Variants in GPC5 observed in about 807,000 individuals in gnomAD.
GPC5 encodes the protein glypican-5.
GPC5 carries 47 observed loss-of-function variants against 53.9 expected under a neutral mutation model. The observed-to-expected ratio is 0.87, with a 90% CI of 0.69 to 1.11. The LOEUF (loss-of-function observed/expected upper bound fraction) is 1.11, where lower values mean the gene tolerates loss of function less well. Ranked by LOEUF, GPC5 falls within the 50% of genes most tolerant of loss-of-function variation. GPC5 has a pLI of 0.00. For synonymous variants in GPC5, 286 were observed against 263.3 expected (o/e 1.09, Z -0.84); for missense variants, 748 against 713.1 (o/e 1.05, Z -0.56).
chr13:92,238,242 T>C (rs1056667631), intron 7 of GPC5, among the ~76,000 whole-genome samples: 7 of 151,954 alleles, frequency 4.6e-5, no homozygotes, highest in African/African-American at 1.4e-4. Flanking sequence ...TTTAACCTTT[T>C]GAGAGGTTAA....
At chr13:92,028,110 T>C (rs1203321012) in intron 6 of GPC5, among the ~76,000 whole-genome samples, 1 of 152,152 alleles carries the variant, frequency 6.6e-6, no homozygotes, top group Non-Finnish European at 1.5e-5. Flanking sequence ...TAGAGATGCT[T>C]AGCTGACTTT....
chr13:92,144,407 G>T (rs555582506), intron 6 of GPC5, among the ~76,000 whole-genome samples: 1 of 152,314 alleles, frequency 6.6e-6, no homozygotes, highest in East Asian at 1.9e-4. Flanking sequence ...TTCTGGAAGA[G>T]TCGTACTTCT....
At chr13:92,287,925 C>A (rs1218455450) in intron 7 of GPC5, among the ~76,000 whole-genome samples, 1 of 152,010 alleles carries the variant, frequency 6.6e-6, no homozygotes, top group Non-Finnish European at 1.5e-5. Context: ...CCATACATCT[C>A]GTGGGCTCTG....
intron 7 of GPC5, among the ~76,000 whole-genome samples, chr13:92,431,099 G>C (rs950860052): frequency 1.3e-5 from 2 of 152,036 alleles, no homozygotes; most frequent in African/African-American, 4.8e-5. Flanking sequence ...TTGAGATTCT[G>C]CATTTTAGAT....
chr13:91,412,961 A>T (rs1240348853), intron 1 of GPC5, among the ~76,000 whole-genome samples: 1 of 152,226 alleles, frequency 6.6e-6, no homozygotes, highest in Non-Finnish European at 1.5e-5. Flanking sequence ...GTGGACATTA[A>T]ATGAATAAAG....
intron 7 of GPC5, among the ~76,000 whole-genome samples, chr13:92,724,903 C>G (rs193259625): frequency 6.7e-5 from 10 of 149,934 alleles, no homozygotes; most frequent in African/African-American, 2.5e-4. Context: ...CACACACACA[C>G]ACACACACAA....
At chr13:91,977,663 C>G (rs2040316219) in intron 6 of GPC5, among the ~76,000 whole-genome samples, 1 of 152,124 alleles carries the variant, frequency 6.6e-6, no homozygotes. Flanking sequence ...TTAAAAACTC[C>G]CTTGTTAAAG....
At chr13:92,288,689 T>C (rs1369694061) in intron 7 of GPC5, among the ~76,000 whole-genome samples, 1 of 152,222 alleles carries the variant, frequency 6.6e-6, no homozygotes, top group Non-Finnish European at 1.5e-5. Context: ...GGAGTGATTA[T>C]TGATGCTTCC....
At chr13:92,833,875 TAGAG>T (rs539097939) in intron 7 of GPC5, among the ~76,000 whole-genome samples, 23 of 152,246 alleles carry the variant, frequency 1.5e-4, no homozygotes, top group Middle Eastern at 3.4e-3. Flanking sequence ...GAGTTAACGT[TAGAG>T]AGAGAGGCAG....
chr13:91,669,547 A>C (rs977240533), intron 2 of GPC5, among the ~76,000 whole-genome samples: 1 of 152,060 alleles, frequency 6.6e-6, no homozygotes, highest in East Asian at 1.9e-4. Flanking sequence ...CATTATGTCA[A>C]CTACAGGAAG....
chr13:91,589,343 T>TTC (rs200479289), intron 2 of GPC5, among the ~76,000 whole-genome samples: 5 of 151,702 alleles, frequency 3.3e-5, no homozygotes, highest in Admixed American at 6.6e-5. Context: ...TTTTCTGACT[T>TTC]TCTCTCTCTC....
At chr13:92,649,494 T>C (rs1885885738) in intron 7 of GPC5, among the ~76,000 whole-genome samples, 1 of 152,160 alleles carries the variant, frequency 6.6e-6, no homozygotes, top group East Asian at 1.9e-4. Flanking sequence ...TCATAATGCA[T>C]AAACTGCCAA....
At chr13:91,729,865 A>C (rs2036657224) in intron 4 of GPC5, among the ~76,000 whole-genome samples, 1 of 152,162 alleles carries the variant, frequency 6.6e-6, no homozygotes, top group African/African-American at 2.4e-5. Flanking sequence ...ACAAAACCCA[A>C]CCTTTAATAT....
chr13:92,794,972 C>G (rs1279122004), intron 7 of GPC5, among the ~76,000 whole-genome samples: 1 of 151,994 alleles, frequency 6.6e-6, no homozygotes, highest in Non-Finnish European at 1.5e-5. Flanking sequence ...AGGTAACTTA[C>G]AGATTCAATG....
intron 7 of GPC5, among the ~76,000 whole-genome samples, chr13:92,650,496 G>A (rs967881004): frequency 9.2e-5 from 14 of 152,022 alleles, no homozygotes; most frequent in African/African-American, 3.4e-4. Flanking sequence ...TAATAATTGT[G>A]TTATGAATAC....
chr13:92,091,235 A>T (rs1294480177), intron 6 of GPC5, among the ~76,000 whole-genome samples: 1 of 152,136 alleles, frequency 6.6e-6, no homozygotes, highest in Admixed American at 6.5e-5. Context: ...TAATAATAAC[A>T]ACAAACTAAA....
chr13:91,630,986 T>C (rs139165654), intron 2 of GPC5, among the ~76,000 whole-genome samples: 9 of 152,164 alleles, frequency 5.9e-5, no homozygotes, highest in African/African-American at 2.2e-4. Context: ...TACATCTTTT[T>C]GTCCCTCTCT....
chr13:92,495,066 G>C (rs1337655823), intron 7 of GPC5, among the ~76,000 whole-genome samples: 4 of 152,116 alleles, frequency 2.6e-5, no homozygotes, highest in African/African-American at 9.7e-5. Flanking sequence ...AAATTTCTTG[G>C]TTATTGTGTG....
At chr13:92,655,485 C>A (rs547150609) in intron 7 of GPC5, among the ~76,000 whole-genome samples, 1 of 152,080 alleles carries the variant, frequency 6.6e-6, no homozygotes, top group South Asian at 2.1e-4. Flanking sequence ...CAGGCATGTG[C>A]CACCATGCCC....
Sources: allele counts gnomAD v4.1 joint callset (sites outside exome capture counted in the v4.1 genomes callset), GRCh38; gene constraint gnomAD v4.1.1; transcripts MANE v1.5; gene names NCBI Gene and HGNC (gene_info 2026-07-23, HGNC 2026-07-21).